Variants in DMD observed in about 807,000 individuals in gnomAD.
DMD encodes dystrophin.
In DMD, 63 loss-of-function variants were observed where a neutral mutation model predicts 330.1. The observed-to-expected ratio is 0.19, with a 90% CI of 0.16 to 0.24. The LOEUF (loss-of-function observed/expected upper bound fraction) is 0.24, where lower values mean the gene tolerates loss of function less well. DMD is among the 10% of genes least tolerant of loss of function. The pLI, the probability that DMD is intolerant of heterozygous loss-of-function variation, is 1.00. For synonymous variants in DMD, 1,223 were observed against 959.8 expected (o/e 1.27, Z -5.07); for missense variants, 3,344 against 2,684.1 (o/e 1.25, Z -5.43).
At chrX:32,514,591 C>A (rs754828717) in intron 18 of DMD, among the ~76,000 whole-genome samples, 158 of 111,627 alleles carry the variant, frequency 1.4e-3, no homozygotes, top group Middle Eastern at 0.014. Flanking sequence ...AATACAAAAA[C>A]TTAGCCGGGT....
At chrX:32,673,860 A>G (rs1341310071) in intron 9 of DMD, among the ~76,000 whole-genome samples, 2 of 112,128 alleles carry the variant, frequency 1.8e-5, no homozygotes, top group Non-Finnish European at 3.8e-5. Flanking sequence ...ACCAAATCAT[A>G]GAATTTGGGT....
In DMD at chrX:32,754,041, C is replaced by T. The variant is rs145187891; in HGVS notation, c.650-54748G>A. On this transcript the variant is annotated intron_variant, in intron 7 of 78. Transcript: ENST00000357033. ...TGCCATCTGCAAAATTGAAAATTAC[C>T]CCTTTGCTGATGTTATGTAAGGTAT... is the stretch of plus-strand genomic sequence containing the variant. Among the ~76,000 whole-genome samples the T allele has an allele frequency of 4.6e-3, 515 of 111,050 alleles. 3 individuals carry two copies. Among genetic ancestry groups the T allele is most frequent in the African/African-American group, 0.016 (491 of 30,509 alleles).
At chrX:31,403,741 A>G (rs753878082) in intron 60 of DMD, among the ~76,000 whole-genome samples, 6 of 111,952 alleles carry the variant, frequency 5.4e-5, no homozygotes, top group Non-Finnish European at 9.4e-5. Context: ...CTATCCTTGC[A>G]TTTCTCAAAT....
At chrX:32,295,424 G>A (rs1390491942) in intron 42 of DMD, among the ~76,000 whole-genome samples, 1 of 111,904 alleles carries the variant, frequency 8.9e-6, no homozygotes, top group African/African-American at 3.2e-5. Context: ...TAAGCCATGT[G>A]GCTTCAATTC....
At chrX:32,994,333 T>TA (rs58119279) in intron 2 of DMD, among the ~76,000 whole-genome samples, 2,565 of 93,290 alleles carry the variant, frequency 0.027, 50 homozygotes, top group East Asian at 0.085. Context: ...GCCCCCAATT[T>TA]AAAAAAAAAA....
At chrX:31,926,794 A>T (rs1302821887) in intron 47 of DMD, among the ~76,000 whole-genome samples, 2 of 112,207 alleles carry the variant, frequency 1.8e-5, no homozygotes, top group East Asian at 5.6e-4. Context: ...CCAACTGATT[A>T]TGATATTAGG....
intron 59 of DMD, among the ~76,000 whole-genome samples, chrX:31,456,866 GTGTGTGTGTGTATA>G (rs2066209732): frequency 9.9e-6 from 1 of 100,725 alleles, no homozygotes; most frequent in African/African-American, 3.8e-5. Flanking sequence ...GTGTGTGTGT[GTGTGTGTGTGTATA>G]TATATATATA....
intron 44 of DMD, among the ~76,000 whole-genome samples, chrX:32,051,064 T>C (rs2096110393): frequency 9.3e-6 from 1 of 107,293 alleles, no homozygotes; most frequent in Non-Finnish European, 1.9e-5. Context: ...TAATCCCACC[T>C]TGGCCTCCAA....
intron 61 of DMD, among the ~76,000 whole-genome samples, chrX:31,339,666 C>T (rs2057612918): frequency 8.9e-6 from 1 of 112,009 alleles, no homozygotes; most frequent in Non-Finnish European, 1.9e-5. Flanking sequence ...ACCTCTGCCT[C>T]CTGGGTTCAA....
At chrX:33,194,878 T>G (rs907767502) in intron 1 of DMD, among the ~76,000 whole-genome samples, 1 of 111,811 alleles carries the variant, frequency 8.9e-6, no homozygotes, top group Non-Finnish European at 1.9e-5. Flanking sequence ...CAAAATATAG[T>G]TCATATTCAC....
At chrX:31,966,252 T>C (rs2095350309) in intron 45 of DMD, among the ~76,000 whole-genome samples, 1 of 108,982 alleles carries the variant, frequency 9.2e-6, no homozygotes, top group African/African-American at 3.4e-5. Flanking sequence ...TAATTAATTG[T>C]TAGGTTAACA....
chrX:32,300,654 T>C (rs920948324), intron 42 of DMD, among the ~76,000 whole-genome samples: 22 of 111,262 alleles, frequency 2.0e-4, no homozygotes, highest in African/African-American at 6.8e-4. Flanking sequence ...AATAGAAAAA[T>C]TGACTCACAT....
At chrX:31,483,040 CTTTTTT>C (rs375059694) in intron 57 of DMD, among the ~76,000 whole-genome samples, 1 of 70,738 alleles carries the variant, frequency 1.4e-5, no homozygotes, top group Non-Finnish European at 2.7e-5. Flanking sequence ...GGAAATGGAT[CTTTTTT>C]TTTTTTTTTT....
chrX:32,466,885 G>A (rs752458058), intron 23 of DMD, among the ~76,000 whole-genome samples: 12 of 111,316 alleles, frequency 1.1e-4, no homozygotes, highest in African/African-American at 3.6e-4. Context: ...CTGAACTTTT[G>A]ACTTCCAGAA....
chrX:31,491,028 G>C (rs777279126), intron 57 of DMD, among the ~76,000 whole-genome samples: 6 of 112,468 alleles, frequency 5.3e-5, no homozygotes, highest in Non-Finnish European at 1.1e-4. Flanking sequence ...AATAATGTAT[G>C]TATTGATTAC....
rs148525994 is a variant in DMD, at chrX:33,161,748, C to T, written c.31+49534G>A. Among the ~76,000 whole-genome samples, 10 of 111,762 alleles carry T rather than the reference C, an allele frequency of 8.9e-5. 1 individual carries two copies. In the Admixed American group the frequency reaches 9.6e-4, roughly 11 times the overall value. ...TATCTCACAAGGCTTACCGTATACC[C>T]CTTTTCAATAATTTTTATCACATTA... On this transcript the variant is annotated intron_variant, in intron 1 of 78. Transcript: ENST00000357033.
intron 1 of DMD, among the ~76,000 whole-genome samples, chrX:33,101,657 A>T (rs1363611532): frequency 8.9e-6 from 1 of 112,252 alleles, no homozygotes; most frequent in Non-Finnish European, 1.9e-5. Flanking sequence ...AAAGAAGAAA[A>T]AAAAAGAAAG....
intron 76 of DMD, among the ~76,000 whole-genome samples, chrX:31,145,662 A>ATTTTTTTT (rs749721258): frequency 0.055 from 4,739 of 85,996 alleles, 421 homozygotes; most frequent in African/African-American, 0.19. Flanking sequence ...TGGGAACTCT[A>ATTTTTTTT]TTTTTTTTTT....
intron 2 of DMD, among the ~76,000 whole-genome samples, chrX:32,926,860 A>G (rs1156352102): frequency 1.8e-5 from 2 of 110,992 alleles, no homozygotes; most frequent in East Asian, 5.6e-4. Context: ...TCAAAACAAC[A>G]TGTTGAATGA....
Sources: allele counts gnomAD v4.1 joint callset (sites outside exome capture counted in the v4.1 genomes callset), GRCh38; gene constraint gnomAD v4.1.1; transcripts MANE v1.5; gene names NCBI Gene and HGNC (gene_info 2026-07-23, HGNC 2026-07-21).